The following DSCAML1 variants were observed in gnomAD, a reference collection of about 807,000 sequenced individuals.
DSCAML1 encodes the protein cell adhesion molecule DSCAML1.
A neutral mutation model predicts 200.5 loss-of-function variants in DSCAML1; 38 were observed. That is an observed-to-expected ratio of 0.19 (90% CI 0.15 to 0.25). The LOEUF is 0.25. DSCAML1 is among the 10% of genes least tolerant of loss of function. DSCAML1 has a pLI of 1.00. For missense variants in DSCAML1, 2,223 were observed against 2,858.8 expected, an observed-to-expected ratio of 0.78 and a Z score of 5.07; for synonymous variants, 1,215 against 1,165.0, an observed-to-expected ratio of 1.04 and a Z score of -0.87.
intron 3 of DSCAML1, among the ~76,000 whole-genome samples, chr11:117,648,661 T>C (rs1372024601): frequency 6.6e-6 from 1 of 152,146 alleles, no homozygotes; most frequent in African/African-American, 2.4e-5. Flanking sequence ...ACCCCTTGGT[T>C]GTGCAGAGTT....
chr11:117,512,681 C>T (rs1368409296), intron 8 of DSCAML1, among the ~76,000 whole-genome samples: 1 of 70,266 alleles, frequency 1.4e-5, no homozygotes, highest in East Asian at 2.9e-4. Context: ...CACACACACA[C>T]ACACATGCCT....
At chr11:117,800,266 G>T (rs553355013), upstream of DSCAML1, among the ~76,000 whole-genome samples, 5 of 152,282 alleles carry the variant, frequency 3.3e-5, no homozygotes, top group South Asian at 8.3e-4. Context: ...ATGAAACGCC[G>T]GGGAAGAGAG....
intron 14 of DSCAML1, among the ~76,000 whole-genome samples, chr11:117,476,331 C>T (rs1374831019): frequency 6.6e-6 from 1 of 152,176 alleles, no homozygotes; most frequent in Non-Finnish European, 1.5e-5. Context: ...TGCCTGGGCT[C>T]AGGAAGCACA....
intron 3 of DSCAML1, among the ~76,000 whole-genome samples, chr11:117,548,252 G>A (rs979391084): frequency 6.6e-5 from 10 of 152,224 alleles, no homozygotes; most frequent in African/African-American, 2.4e-4. Context: ...TGGGCTAAGG[G>A]TTTTCTTCTT....
Position 117,780,141 on chromosome 11 carries a change from A to AAGAG in DSCAML1, c.364+348_364+351dup, listed in dbSNP as rs763844992. Among the ~76,000 whole-genome samples the AAGAG allele has an allele frequency of 1.6e-4, 23 of 147,440 alleles. No individual in the cohort carries two copies. The highest frequency in any genetic ancestry group is 5.9e-4 in the East Asian group (3 of 5,080). On this transcript the variant is annotated intron_variant, in intron 2 of 32. Coordinates refer to ENST00000651296, the MANE Select transcript of DSCAML1 (RefSeq NM_020693.4). This position sits in a 1 kb window ranked among gnomAD's most constrained non-coding sequence, Gnocchi z 4.8. ...GGCTCTGTCTCAAAAAGCAAAAAGA[A>AAGAG]AGAGAGAGAGAGAGAGAGAAAGAAA...
At chr11:117,624,551 G>C (rs1459938170) in intron 3 of DSCAML1, among the ~76,000 whole-genome samples, 2 of 151,992 alleles carry the variant, frequency 1.3e-5, no homozygotes, top group African/African-American at 4.8e-5. Flanking sequence ...GCTTGAGTAT[G>C]GGTGAGATAG....
chr11:117,437,030 G>T lies in DSCAML1; in HGVS notation c.4720+92C>A. On this transcript the variant is annotated intron_variant, in intron 26 of 32. Transcript: ENST00000651296. This position sits in a 1 kb window ranked among gnomAD's most constrained non-coding sequence, Gnocchi z 5.3. ...TGCATTCCTGCCTGTTTTTCTATTA[G>T]TCTGTCTCTTTATGTATCTGCCACT... The T allele has an allele frequency of 6.7e-7, 1 of 1,482,358 alleles. No homozygotes were observed. Among genetic ancestry groups the T allele is most frequent in the Non-Finnish European group, 9.0e-7 (1 of 1,105,978 alleles). The allele number at this position is 1,482,358 out of a possible 1,614,324, so 91.8% of individuals were successfully genotyped here.
At chr11:117,663,165 C>T (rs962129123) in intron 3 of DSCAML1, among the ~76,000 whole-genome samples, 3 of 152,172 alleles carry the variant, frequency 2.0e-5, no homozygotes, top group African/African-American at 7.2e-5. Context: ...TGCACGCTAC[C>T]GAAAAGCCAG....
chr11:117,770,355 C>G (rs1245244264), intron 3 of DSCAML1, among the ~76,000 whole-genome samples: 1 of 152,194 alleles, frequency 6.6e-6, no homozygotes, highest in African/African-American at 2.4e-5. Flanking sequence ...CCACTTTTCT[C>G]CAGACTCATA....
At chr11:117,721,844 C>T (rs1182525027) in intron 3 of DSCAML1, among the ~76,000 whole-genome samples, 8 of 148,608 alleles carry the variant, frequency 5.4e-5, no homozygotes, top group Admixed American at 6.7e-5. Context: ...GTCTCGCTGT[C>T]GCCCAGGCTG....
intron 3 of DSCAML1, among the ~76,000 whole-genome samples, chr11:117,759,774 G>A (rs990787857): frequency 1.3e-5 from 2 of 152,074 alleles, no homozygotes; most frequent in African/African-American, 2.4e-5. Flanking sequence ...AATACTCCCA[G>A]TATTCTTAAT....
chr11:117,685,755 C>T (rs1044722476), intron 3 of DSCAML1, among the ~76,000 whole-genome samples: 5 of 152,158 alleles, frequency 3.3e-5, no homozygotes, highest in Admixed American at 1.3e-4. Flanking sequence ...CCTGCCTGGT[C>T]CCAGGGGTGT....
At chr11:117,608,291 A>T (rs1377071311) in intron 3 of DSCAML1, among the ~76,000 whole-genome samples, 1 of 152,238 alleles carries the variant, frequency 6.6e-6, no homozygotes, top group Non-Finnish European at 1.5e-5. Flanking sequence ...AAATAAATGT[A>T]ACTTTTATTG....
In DSCAML1 at chr11:117,518,503, CA is replaced by C; in HGVS notation, c.1472del (p.Val491GlyfsTer10). ...GVYRCTARNL[V>X]GSAEYQARIN... ...TTCGCGCCTGATATTCAGCACTGCC[CA>C]CCAAGTTCCGCGCTGTGCACCGGTA... On this transcript the variant is annotated frameshift_variant, in exon 7 of 33. Transcript: ENST00000651296. LOFTEE classifies it high-confidence loss of function. The surrounding 1 kb of genome is among the most constrained non-coding windows in gnomAD (Gnocchi z 6.3). The C allele has an allele frequency of 6.2e-7, 1 of 1,614,222 alleles. No homozygotes were observed. The highest frequency in any genetic ancestry group is 1.1e-5 in the South Asian group (1 of 91,082).
intron 3 of DSCAML1, among the ~76,000 whole-genome samples, chr11:117,650,087 A>G (rs2052599180): frequency 6.6e-6 from 1 of 151,636 alleles, no homozygotes; most frequent in Non-Finnish European, 1.5e-5. Context: ...GCAAGGGACT[A>G]GAGCTGTGGT....
chr11:117,661,643 C>T (rs1292302677), intron 3 of DSCAML1, among the ~76,000 whole-genome samples: 3 of 152,206 alleles, frequency 2.0e-5, no homozygotes, highest in South Asian at 2.1e-4. Flanking sequence ...TAGGTCTCCT[C>T]TCCTGCATCC....
In DSCAML1 at chr11:117,797,187, T is replaced by A; in HGVS notation, c.-108A>T. 6.4e-7 allele frequency: 1 copy of A among 1,558,870 alleles called. No homozygotes were observed. Among genetic ancestry groups the A allele is most frequent in the Non-Finnish European group, 8.7e-7 (1 of 1,154,324 alleles). ...CAGCCGCCCGCACTCGGCGCCCCGC[T>A]CTCTCTGCTCCTCAGCCCAGCGCTC... On this transcript the variant is annotated 5_prime_UTR_variant, in exon 1 of 33. Transcript: ENST00000651296.
intron 3 of DSCAML1, among the ~76,000 whole-genome samples, chr11:117,630,122 C>T (rs530996167): frequency 4.6e-5 from 7 of 152,262 alleles, no homozygotes; most frequent in South Asian, 4.2e-4. Flanking sequence ...ATGGAGAAAG[C>T]GCGAGATGTC....
intron 3 of DSCAML1, among the ~76,000 whole-genome samples, chr11:117,621,047 T>C (rs1165511104): frequency 6.6e-6 from 1 of 152,230 alleles, no homozygotes; most frequent in Non-Finnish European, 1.5e-5. Flanking sequence ...AGAAATGTCT[T>C]CATTTCAGCT....
Sources: gnomAD v4.1 joint callset for allele counts (sites outside exome capture counted in the v4.1 genomes callset) on GRCh38, gnomAD v4.1.1 for gene constraint, Gnocchi (gnomAD v3.1) non-coding constraint, MANE v1.5 for transcripts, NCBI Gene and HGNC (gene_info 2026-07-23, HGNC 2026-07-21) for gene names.